SLC5A3: variants seen among roughly 807,000 people sequenced by gnomAD.
SLC5A3 encodes solute carrier family 5 member 3.
A neutral mutation model predicts 43.2 loss-of-function variants in SLC5A3; 10 were observed. The observed-to-expected ratio is 0.23, with a 90% confidence interval of 0.14 to 0.39. The LOEUF is 0.39. Ranked by LOEUF, SLC5A3 falls within the 10% of genes least tolerant of loss-of-function variation. SLC5A3 has a pLI of 1.00. For synonymous variants in SLC5A3, 349 were observed against 322.0 expected (o/e 1.08, Z -0.90); for missense variants, 608 against 893.4 (o/e 0.68, Z 4.07).
rs1978909482 is a variant in SLC5A3, at chr21:34,095,218, C to T, written c.20C>T (p.Thr7Ile). ...ACCAGAATGAGAGCTGTACTGGACACAGCAGACATTGCCATAGTGGCCCTG... is the reference window on the plus strand; with the variant it reads ...ACCAGAATGAGAGCTGTACTGGACATAGCAGACATTGCCATAGTGGCCCTG... MRAVLDTADIAIVALYF... is the reference protein window; with the variant it reads MRAVLDIADIAIVALYF... Residue 7 changes from threonine to isoleucine, a missense_variant, in exon 2 of 2, where the codon ACA becomes ATA. Thr to Ile is a moderately conservative substitution (Grantham distance 89). Around this residue, in one of 2 missense-constraint regions of SLC5A3, gnomAD observed 398 missense variants for 668.6 expected, o/e 0.60. Coordinates refer to ENST00000381151, the MANE Select transcript of SLC5A3 (RefSeq NM_006933.7). 1 of 1,611,740 alleles carries T rather than the reference C, an allele frequency of 6.2e-7. No individual in the cohort carries two copies. The highest frequency in any genetic ancestry group is 1.3e-5 in the African/African-American group (1 of 74,906).
rs1223015456 is a variant in SLC5A3 at position 34,104,527 on chromosome 21, G to A, written c.*7172G>A. Reference sequence around the variant, plus strand: ...TAATTATCCTTTTAGGGAAAGACTTGGTCAACTCTAATATATCTAGAAGGA... The same window carrying A: ...TAATTATCCTTTTAGGGAAAGACTTAGTCAACTCTAATATATCTAGAAGGA... On this transcript the variant is annotated 3_prime_UTR_variant, in exon 2 of 2. Transcript: ENST00000381151. 8 of 997,748 alleles carry A rather than the reference G, an allele frequency of 8.0e-6. No individual in the cohort carries two copies. In the East Asian group the frequency reaches 6.8e-4, roughly 85 times the overall value. The allele number at this position is 997,748 out of a possible 1,614,324, so 61.8% of individuals were successfully genotyped here.
intron 1 of SLC5A3, among the ~76,000 whole-genome samples, chr21:34,082,055 GTT>G (rs11327535): frequency 7.7e-5 from 11 of 143,602 alleles, no homozygotes; most frequent in African/African-American, 2.3e-4. Context: ...AGGAAATCTG[GTT>G]TTTTTTTTTT....
At position 34,103,231 on chromosome 21, in the gene SLC5A3, T is replaced by C. The variant is rs1979325219; in HGVS notation, c.*5876T>C. ...GTGCCTTCTGGTTACCAGTATTGACTCTGCTAGTTTGCACCTTTCCGTTCT... is the reference window on the plus strand; with the variant it reads ...GTGCCTTCTGGTTACCAGTATTGACCCTGCTAGTTTGCACCTTTCCGTTCT... On this transcript the variant is annotated 3_prime_UTR_variant, in exon 2 of 2. Coordinates refer to ENST00000381151, the MANE Select transcript of SLC5A3 (RefSeq NM_006933.7). 1.0e-6 allele frequency: 1 copy of C among 999,814 alleles called. No individual in the cohort carries two copies. The highest frequency in any genetic ancestry group is 4.7e-5 in the South Asian group (1 of 21,290). The allele number at this position is 999,814 out of a possible 1,614,324, so 61.9% of individuals were successfully genotyped here. A position where few individuals can be genotyped will look rare whatever the true frequency, so the allele number is the denominator to read the frequency against.
chr21:34,100,220 C>T lies in SLC5A3; in HGVS notation c.*2865C>T. On this transcript the variant is annotated 3_prime_UTR_variant, in exon 2 of 2. Transcript: ENST00000381151. ...TCTTACCAGGTGTTAATGGTATCCC[C>T]AGTTCTTAGACTTTTGTCTTCTCAG... 2.0e-6 allele frequency: 2 copies of T among 1,000,220 alleles called. No homozygotes were observed. The highest frequency in any genetic ancestry group is 2.4e-6 in the Non-Finnish European group (2 of 829,964). The allele number at this position is 1,000,220 out of a possible 1,614,324, so 62.0% of individuals were successfully genotyped here.
Position 34,096,065 on chromosome 21 carries a change from C to T in SLC5A3, c.867C>T (p.Ala289=), listed in dbSNP as rs1195372548. ...DQVIVQRVLA[A]KNIAHAKGST... is the part of the protein sequence containing the mutation. ...TCATCGTGCAGAGGGTCCTTGCAGC[C>T]AAAAACATTGCTCATGCCAAAGGCT... Residue 289 remains alanine, a synonymous_variant, in exon 2 of 2, where the codon GCC becomes GCT. Coordinates refer to ENST00000381151, the MANE Select transcript of SLC5A3 (RefSeq NM_006933.7). The surrounding 1 kb of genome is among the most constrained non-coding windows in gnomAD (Gnocchi z 5.9). 4 of 1,613,948 alleles carry T rather than the reference C, an allele frequency of 2.5e-6. No homozygotes were observed. Among genetic ancestry groups the T allele is most frequent in the East Asian group, 2.2e-5 (1 of 44,880 alleles).
At chr21:34,085,851 C>CCACA (rs1978344617) in intron 1 of SLC5A3, among the ~76,000 whole-genome samples, 1 of 152,170 alleles carries the variant, frequency 6.6e-6, no homozygotes, top group Non-Finnish European at 1.5e-5. Context: ...ATTCACCCGC[C>CCACA]TCGGCCTCCC....
Position 34,105,222 on chromosome 21 carries a change from G to A in SLC5A3, c.*7867G>A, listed in dbSNP as rs952409275. 7.8e-5 allele frequency: 78 copies of A among 1,000,080 alleles called. No homozygotes were observed. Among genetic ancestry groups the A allele is most frequent in the Non-Finnish European group, 8.7e-5 (72 of 829,982 alleles). The allele number at this position is 1,000,080 out of a possible 1,614,324, so 62.0% of individuals were successfully genotyped here. On this transcript the variant is annotated 3_prime_UTR_variant, in exon 2 of 2. Coordinates refer to ENST00000381151, the MANE Select transcript of SLC5A3 (RefSeq NM_006933.7). ...TCAGAAATAGAGCAGGGATTTACCC[G>A]TTCTTTGCTTGGACATCCCATTTTC... is the stretch of plus-strand genomic sequence containing the variant.
In SLC5A3 at chr21:34,100,130, C is replaced by T. The variant is rs543374387; in HGVS notation, c.*2775C>T. On this transcript the variant is annotated 3_prime_UTR_variant, in exon 2 of 2. Coordinates refer to ENST00000381151, the MANE Select transcript of SLC5A3 (RefSeq NM_006933.7). The stretch of plus-strand genomic sequence containing the variant: ...GTTCAGAATTGAAGCTTGATATTGA[C>T]TAGAATAGCTAAAAGTCAAAATGAG... 2 of 999,032 alleles carry T rather than the reference C, an allele frequency of 2.0e-6. No individual in the cohort carries two copies. The highest frequency in any genetic ancestry group is 3.5e-5 in the African/African-American group (2 of 57,292). 61.9% of individuals were successfully genotyped at this position (999,032 alleles called of 1,614,324 possible). A position where few individuals can be genotyped will look rare whatever the true frequency, so the allele number is the denominator to read the frequency against.
chr21:34,093,502 A>G (rs1569415881), intron 1 of SLC5A3, among the ~76,000 whole-genome samples: 1 of 152,138 alleles, frequency 6.6e-6, no homozygotes, highest in East Asian at 1.9e-4. Flanking sequence ...AAAGTTTCTA[A>G]TACTGTGGTC....
At position 34,103,014 on chromosome 21, in the gene SLC5A3, AT is replaced by A; in HGVS notation, c.*5660del. 2 of 999,834 alleles carry A rather than the reference AT, an allele frequency of 2.0e-6. No homozygotes were observed. Among genetic ancestry groups the A allele is most frequent in the Non-Finnish European group, 2.4e-6 (2 of 829,640 alleles). 61.9% of individuals were successfully genotyped at this position (999,834 alleles called of 1,614,324 possible). A position where few individuals can be genotyped will look rare whatever the true frequency, so the allele number is the denominator to read the frequency against. Reference sequence around the variant, plus strand: ...ATTGCTCTTAGACAGAGTAGTCTAGATAAGTTTTCAATTTATCAACATAGCC... The same window carrying A: ...ATTGCTCTTAGACAGAGTAGTCTAGAAAGTTTTCAATTTATCAACATAGCC... On this transcript the variant is annotated 3_prime_UTR_variant, in exon 2 of 2. Coordinates refer to ENST00000381151, the MANE Select transcript of SLC5A3 (RefSeq NM_006933.7).
chr21:34,092,739 A>C (rs112083588), intron 1 of SLC5A3, among the ~76,000 whole-genome samples: 1,756 of 152,344 alleles, frequency 0.012, 38 homozygotes, highest in South Asian at 0.08. Context: ...TGCAGCAGCT[A>C]CTATGACACA....
rs1364393356 is a variant in SLC5A3, at chr21:34,100,202, AGGTGTTAAT to A, written c.*2851_*2859del. On this transcript the variant is annotated 3_prime_UTR_variant, in exon 2 of 2. Transcript: ENST00000381151. Reference sequence around the variant, plus strand: ...GGTAGAGAAAAATAAATGTCTTACCAGGTGTTAATGGTATCCCCAGTTCTTAGACTTTTG... The same window carrying A: ...GGTAGAGAAAAATAAATGTCTTACCAGGTATCCCCAGTTCTTAGACTTTTG... 1 of 1,000,166 alleles carries A rather than the reference AGGTGTTAAT, an allele frequency of 1.0e-6. No homozygotes were observed. The highest frequency in any genetic ancestry group is 1.1e-4 in the East Asian group (1 of 8,834). The allele number at this position is 1,000,166 out of a possible 1,614,324, so 62.0% of individuals were successfully genotyped here. A position where few individuals can be genotyped will look rare whatever the true frequency, so the allele number is the denominator to read the frequency against.
At chr21:34,093,748 CTT>C (rs935888725) in intron 1 of SLC5A3, among the ~76,000 whole-genome samples, 2 of 152,086 alleles carry the variant, frequency 1.3e-5, no homozygotes, top group African/African-American at 4.8e-5. Flanking sequence ...GTATTTGTCT[CTT>C]TTTCAGGAGA....
At chr21:34,093,151 C>G (rs1001645475) in intron 1 of SLC5A3, among the ~76,000 whole-genome samples, 4 of 151,514 alleles carry the variant, frequency 2.6e-5, no homozygotes, top group Non-Finnish European at 4.4e-5. Context: ...AACTTGGAAG[C>G]TTTTGGGGGT....
chr21:34,093,023 T>TC (rs1978784801), intron 1 of SLC5A3, among the ~76,000 whole-genome samples: 1 of 152,210 alleles, frequency 6.6e-6, no homozygotes, highest in Admixed American at 6.5e-5. Context: ...TTGACAAGCT[T>TC]CCCTTATGCA....
Position 34,096,601 on chromosome 21 carries a change from A to T in SLC5A3, c.1403A>T (p.Gln468Leu). 2 of 1,614,108 alleles carry T rather than the reference A, an allele frequency of 1.2e-6. No individual in the cohort carries two copies. The highest frequency in any genetic ancestry group is 1.7e-6 in the Non-Finnish European group (2 of 1,179,984). The change falls in exon 2 of 2, where the codon CAA (glutamine) becomes CTA (leucine). Residue 468 changes from glutamine to leucine, a missense_variant. Around this residue, in one of 2 missense-constraint regions of SLC5A3, gnomAD observed 398 missense variants for 668.6 expected, o/e 0.60. Coordinates refer to ENST00000381151, the MANE Select transcript of SLC5A3 (RefSeq NM_006933.7). The surrounding 1 kb of genome is among the most constrained non-coding windows in gnomAD (Gnocchi z 5.9). The stretch of plus-strand genomic sequence containing the variant: ...ATTTTCTGGAAGCGCTGCAATGAAC[A>T]AGGGGCTTTCTATGGTGGAATGGCT... ...LAIFWKRCNEQGAFYGGMAGF... is the reference protein window; with the variant it reads ...LAIFWKRCNELGAFYGGMAGF...
Position 34,103,357 on chromosome 21 carries a change from G to A in SLC5A3, c.*6002G>A, listed in dbSNP as rs1979333867. 4.1e-6 allele frequency: 4 copies of A among 979,960 alleles called. No homozygotes were observed. Among genetic ancestry groups the A allele is most frequent in the South Asian group, 4.9e-5 (1 of 20,612 alleles). The allele number at this position is 979,960 out of a possible 1,614,324, so 60.7% of individuals were successfully genotyped here. A position where few individuals can be genotyped will look rare whatever the true frequency, so the allele number is the denominator to read the frequency against. The stretch of plus-strand genomic sequence containing the variant: ...CATGCATTACATTGACATACTTTAT[G>A]TGCAGCCTTTATTTAGGTTCAGTGA... On this transcript the variant is annotated 3_prime_UTR_variant, in exon 2 of 2. Coordinates refer to ENST00000381151, the MANE Select transcript of SLC5A3 (RefSeq NM_006933.7).
At chr21:34,084,632 G>A (rs1989531157) in intron 1 of SLC5A3, among the ~76,000 whole-genome samples, 1 of 152,092 alleles carries the variant, frequency 6.6e-6, no homozygotes. Flanking sequence ...TCTAAGGTTA[G>A]GTAGAGCTAT....
chr21:34,096,905 A>C lies in SLC5A3; in HGVS notation c.1707A>C (p.Glu569Asp). 6.2e-7 allele frequency: 1 copy of C among 1,614,158 alleles called. No homozygotes were observed. The highest frequency in any genetic ancestry group is 8.5e-7 in the Non-Finnish European group (1 of 1,179,996). ...SPKEEPYKMQ[E>D]KSILRCSENN... Reference sequence around the variant, plus strand: ...AAGAGGAACCATACAAAATGCAAGAAAAGAGCATTCTGAGATGCAGTGAGA... The same window carrying C: ...AAGAGGAACCATACAAAATGCAAGACAAGAGCATTCTGAGATGCAGTGAGA... Residue 569 changes from glutamate to aspartate, a missense_variant, in exon 2 of 2, where the codon GAA (glutamate) becomes GAC (aspartate). Transcript: ENST00000381151. This position sits in a 1 kb window ranked among gnomAD's most constrained non-coding sequence, Gnocchi z 5.9.
Sources: allele counts gnomAD v4.1 joint callset (sites outside exome capture counted in the v4.1 genomes callset), GRCh38; gene constraint gnomAD v4.1.1; regional missense constraint gnomAD v4.1.1; non-coding constraint Gnocchi (gnomAD v3.1); transcripts MANE v1.5; gene names NCBI Gene and HGNC (gene_info 2026-07-23, HGNC 2026-07-21).